MNAT1: variants seen among roughly 807,000 people sequenced by gnomAD.
MNAT1 encodes CDK-activating kinase assembly factor MAT1.
Under a neutral mutation model 42.0 loss-of-function variants are expected in MNAT1, and 43 were observed. That is an observed-to-expected ratio of 1.02 (90% CI 0.80 to 1.32). The LOEUF (loss-of-function observed/expected upper bound fraction) is 1.32, where lower values mean the gene tolerates loss of function less well. Ranked by LOEUF, MNAT1 falls within the 40% of genes most tolerant of loss-of-function variation. The pLI is 0.00. For synonymous variants in MNAT1, 118 were observed against 120.0 expected, an observed-to-expected ratio of 0.98 and a Z score of 0.11; for missense variants, 306 against 350.4, an observed-to-expected ratio of 0.87 and a Z score of 1.01.
At chr14:60,792,175 G>T (rs962999377) in intron 1 of MNAT1, among the ~76,000 whole-genome samples, 1 of 151,964 alleles carries the variant, frequency 6.6e-6, no homozygotes, top group Non-Finnish European at 1.5e-5. Context: ...ATCCTTAAAC[G>T]CATTTCATTA....
chr14:60,963,747 C>T (rs2036636590), intron 7 of MNAT1, among the ~76,000 whole-genome samples: 2 of 152,190 alleles, frequency 1.3e-5, no homozygotes, highest in Admixed American at 6.5e-5. Flanking sequence ...AAGTCTTAGT[C>T]TCTAGAGTTC....
At chr14:60,753,405 T>G (rs1446514403) in intron 1 of MNAT1, 1 of 152,246 alleles carries the variant, frequency 6.6e-6, no homozygotes, top group Admixed American at 6.5e-5. Context: ...GAGGGCTGAC[T>G]GTATTAAGCT....
chr14:60,739,912 G>A (rs1896415443), intron 1 of MNAT1, among the ~76,000 whole-genome samples: 1 of 152,190 alleles, frequency 6.6e-6, no homozygotes, highest in Admixed American at 6.5e-5. Context: ...CCAGCACTTT[G>A]GGAGGCTGAG....
chr14:60,734,861 C>T lies in MNAT1; in HGVS notation c.-2C>T, dbSNP rs1420141587. 2.7e-5 allele frequency: 43 copies of T among 1,613,916 alleles called. No homozygotes were observed. The highest frequency in any genetic ancestry group is 3.6e-5 in the Non-Finnish European group (43 of 1,179,940). ...GCGAGAGTCTGTAGGAGGGAAACCG[C>T]CATGGACGATCAGGGTTGCCCTCGG... is the stretch of plus-strand genomic sequence containing the variant. On this transcript the variant is annotated 5_prime_UTR_variant, in exon 1 of 8. Transcript: ENST00000261245. This position sits in a 1 kb window ranked among gnomAD's most constrained non-coding sequence, Gnocchi z 4.3.
At chr14:60,800,874 TCAG>T (rs1218583923) in intron 3 of MNAT1, among the ~76,000 whole-genome samples, 1 of 152,172 alleles carries the variant, frequency 6.6e-6, no homozygotes, top group African/African-American at 2.4e-5. Flanking sequence ...TCAGTTCAAT[TCAG>T]CAAGTTTTTA....
chr14:60,968,403 G>C lies in MNAT1; in HGVS notation c.*54G>C. ...GAACCAGGGAGCTAGCAAAAGTAAA[G>C]CAGACTTATAAAATTATAGCTATGT... On this transcript the variant is annotated 3_prime_UTR_variant, in exon 8 of 8. Coordinates refer to ENST00000261245, the MANE Select transcript of MNAT1 (RefSeq NM_002431.4). The C allele has an allele frequency of 6.3e-7, 1 of 1,584,568 alleles. No homozygotes were observed. The highest frequency in any genetic ancestry group is 1.1e-5 in the South Asian group (1 of 87,264).
At chr14:60,794,660 A>AATATATATAT (rs67332094) in intron 1 of MNAT1, among the ~76,000 whole-genome samples, 150 of 28,626 alleles carry the variant, frequency 5.2e-3, no homozygotes, top group African/African-American at 0.012. Context: ...AAAAAAAAAA[A>AATATATATAT]ATATATATAT....
chr14:60,923,181 G>A (rs963664335), intron 7 of MNAT1, among the ~76,000 whole-genome samples: 1 of 152,092 alleles, frequency 6.6e-6, no homozygotes, highest in Admixed American at 6.6e-5. Context: ...TAGAGTAGTG[G>A]TCTCAAACCA....
rs1896421213 is a variant in MNAT1 at position 60,740,083 on chromosome 14, A to T, written c.89+5132A>T. 6.6e-6 allele frequency among the ~76,000 whole-genome samples: 1 copy of T among 151,298 alleles called. No individual in the cohort carries two copies. The highest frequency in any genetic ancestry group is 6.6e-5 in the Admixed American group (1 of 15,214). On this transcript the variant is annotated intron_variant, in intron 1 of 7. Transcript: ENST00000261245. The surrounding 1 kb of genome is among the most constrained non-coding windows in gnomAD (Gnocchi z 4.1). ...GGCAGGAGAATCACTTGAACCTGGG[A>T]GGCAGAGGTTGCAGTGAGCCGAGAT...
chr14:60,860,378 A>T (rs1594810334), intron 6 of MNAT1, among the ~76,000 whole-genome samples: 1 of 122,290 alleles, frequency 8.2e-6, no homozygotes, highest in East Asian at 2.3e-4. Context: ...TTTGAGACAG[A>T]GTCTTACTCT....
chr14:60,822,568 G>A lies in MNAT1; in HGVS notation c.687+3721G>A, dbSNP rs79340845. On this transcript the variant is annotated intron_variant, in intron 6 of 7. Coordinates refer to ENST00000261245, the MANE Select transcript of MNAT1 (RefSeq NM_002431.4). ...AGCCTCCCAAGTAACTGGGTTTACA[G>A]GCTCACACCACCACTCTGGGCTAGT... is the stretch of plus-strand genomic sequence containing the variant. Among the ~76,000 whole-genome samples, 421 of 151,746 alleles carry A rather than the reference G, an allele frequency of 2.8e-3. 2 individuals carry two copies. The highest frequency in any genetic ancestry group is 4.5e-3 in the Non-Finnish European group (307 of 67,938).
intron 1 of MNAT1, among the ~76,000 whole-genome samples, chr14:60,783,876 G>A (rs2031549150): frequency 6.6e-6 from 1 of 151,882 alleles, no homozygotes; most frequent in Non-Finnish European, 1.5e-5. Context: ...GTCACCCAGG[G>A]TGTAATGCAG....
chr14:60,894,377 T>G (rs12888332), intron 7 of MNAT1, among the ~76,000 whole-genome samples: 4,023 of 152,174 alleles, frequency 0.026, 72 homozygotes, highest in Non-Finnish European at 0.043. Context: ...TCATCTTTCT[T>G]TTTTAGTCTT....
intron 1 of MNAT1, among the ~76,000 whole-genome samples, chr14:60,756,792 A>G (rs2030374757): frequency 6.6e-6 from 1 of 152,138 alleles, no homozygotes; most frequent in South Asian, 2.1e-4. Context: ...AGCCATGTCT[A>G]TTTTGATGCC....
At chr14:60,831,053 A>G (rs2033199115) in intron 6 of MNAT1, among the ~76,000 whole-genome samples, 1 of 149,296 alleles carries the variant, frequency 6.7e-6, no homozygotes, top group East Asian at 2.0e-4. Flanking sequence ...CCCAGCCTCC[A>G]TTCCTAATGA....
At chr14:60,815,813 G>C (rs773985134) in intron 5 of MNAT1, among the ~76,000 whole-genome samples, 1 of 152,064 alleles carries the variant, frequency 6.6e-6, no homozygotes, top group Non-Finnish European at 1.5e-5. Flanking sequence ...CAACAGATTG[G>C]TTTAGAATAC....
intron 6 of MNAT1, among the ~76,000 whole-genome samples, chr14:60,830,017 G>A (rs1447524354): frequency 6.6e-6 from 1 of 152,138 alleles, no homozygotes; most frequent in Non-Finnish European, 1.5e-5. Context: ...GAAGGAAGAT[G>A]TGTTTCAATC....
chr14:60,874,398 A>G (rs1386927247), intron 6 of MNAT1, among the ~76,000 whole-genome samples: 2 of 151,980 alleles, frequency 1.3e-5, no homozygotes, highest in African/African-American at 2.4e-5. Flanking sequence ...TGTCCTCCCC[A>G]TTGCCTTGCT....
rs559081943 is a variant in MNAT1, at chr14:60,852,372, G to A, written c.688-27342G>A. On this transcript the variant is annotated intron_variant, in intron 6 of 7. Transcript: ENST00000261245. The stretch of plus-strand genomic sequence containing the variant: ...TCATATCCTTTGCCCACTTTTTGAT[G>A]GGGTTTTTTTTGTTGTTGTTGCTGT... Among the ~76,000 whole-genome samples, 11 of 151,972 alleles carry A rather than the reference G, an allele frequency of 7.2e-5. No individual in the cohort carries two copies. In the South Asian group the frequency reaches 2.3e-3, roughly 32 times the overall value.
Sources: gnomAD v4.1 joint callset for allele counts (sites outside exome capture counted in the v4.1 genomes callset) on GRCh38, gnomAD v4.1.1 for gene constraint, Gnocchi (gnomAD v3.1) non-coding constraint, MANE v1.5 for transcripts, NCBI Gene and HGNC (gene_info 2026-07-23, HGNC 2026-07-21) for gene names.